The following OR7E24 variants were observed in gnomAD, a reference collection of about 807,000 sequenced individuals.
The protein encoded by OR7E24 is olfactory receptor 7E24.
For synonymous variants in OR7E24, 130 were observed against 157.5 expected, an observed-to-expected ratio of 0.83 and a Z score of 1.31; for missense variants, 385 against 410.3, an observed-to-expected ratio of 0.94 and a Z score of 0.53.
At chr19:9,214,402 G>A in the OR7E24 span, 1,529 of 1,614,190 alleles carry the variant, frequency 9.5e-4, 9 homozygotes, top group East Asian at 0.027. Flanking sequence ...CAAGATGCCA[G>A]AACCAGGAGG....
chr19:9,214,500 A>G, the OR7E24 span: 3 of 1,614,156 alleles, frequency 1.9e-6, no homozygotes, highest in Non-Finnish European at 2.5e-6. Flanking sequence ...GGCCAGTAGG[A>G]AAGTATCCAT....
the OR7E24 span, chr19:9,214,072 G>C: frequency 6.2e-7 from 1 of 1,614,056 alleles, no homozygotes; most frequent in Admixed American, 1.7e-5. Flanking sequence ...TAGACCCCAA[G>C]TCCTGTTCCA....
chr19:9,219,220 C>T, the OR7E24 span: 2 of 152,004 alleles, frequency 1.3e-5, no homozygotes, highest in Non-Finnish European at 2.9e-5. Context: ...GTAGATCTTC[C>T]GTGAGTAGTT....
At chr19:9,222,551 T>G in the OR7E24 span, among the ~76,000 whole-genome samples, 24 of 152,218 alleles carry the variant, frequency 1.6e-4, no homozygotes, top group Admixed American at 2.0e-4. Flanking sequence ...ATTCTATTTT[T>G]GGGGGTACCA....
At chr19:9,248,143 C>G (rs896826289), upstream of OR7E24, among the ~76,000 whole-genome samples, 1 of 152,042 alleles carries the variant, frequency 6.6e-6, no homozygotes, top group Non-Finnish European at 1.5e-5. Context: ...AAAGTGGGTC[C>G]CTCTAAACTG....
upstream of OR7E24, among the ~76,000 whole-genome samples, chr19:9,242,828 C>G (rs1238760108): frequency 1.3e-5 from 2 of 152,106 alleles, no homozygotes; most frequent in African/African-American, 2.4e-5. Context: ...CTCCCTCCCT[C>G]CTTTTTTACT....
the OR7E24 span, chr19:9,235,877 T>G: frequency 1.2e-6 from 2 of 1,607,034 alleles, no homozygotes; most frequent in Non-Finnish European, 8.5e-7. Flanking sequence ...GGATCTCACC[T>G]CTGTGTGGTC....
the OR7E24 span, chr19:9,214,314 G>A: frequency 7.9e-5 from 127 of 1,614,098 alleles, no homozygotes; most frequent in East Asian, 2.5e-4. Context: ...GAAGAAATGC[G>A]GAATCTCAGT....
chr19:9,248,195 G>A (rs1327014467), upstream of OR7E24, among the ~76,000 whole-genome samples: 1 of 152,128 alleles, frequency 6.6e-6, no homozygotes, highest in Non-Finnish European at 1.5e-5. Context: ...TGATGTTGAG[G>A]ATGAGGAGGA....
chr19:9,207,488 T>C, the OR7E24 span: 1 of 152,146 alleles, frequency 6.6e-6, no homozygotes, highest in African/African-American at 2.4e-5. Context: ...AGGTACAAGG[T>C]AGAATGGTAA....
the OR7E24 span, chr19:9,219,443 T>C: frequency 2.0e-5 from 3 of 152,354 alleles, no homozygotes; most frequent in African/African-American, 7.2e-5. Flanking sequence ...TCAATAAGTA[T>C]GGGACTTTCC....
At chr19:9,225,671 A>G in the OR7E24 span, among the ~76,000 whole-genome samples, 1 of 152,104 alleles carries the variant, frequency 6.6e-6, no homozygotes, top group African/African-American at 2.4e-5. Context: ...AAACGACACA[A>G]AGGAAACCAT....
the OR7E24 span, among the ~76,000 whole-genome samples, chr19:9,220,872 T>TAC: frequency 6.6e-6 from 1 of 152,232 alleles, no homozygotes. Flanking sequence ...GGCCAGCACT[T>TAC]ACTATCTTTT....
At chr19:9,244,133 A>G (rs1049243093), upstream of OR7E24, among the ~76,000 whole-genome samples, 16 of 152,246 alleles carry the variant, frequency 1.1e-4, no homozygotes, top group African/African-American at 3.4e-4. Context: ...TAAGGCTCCA[A>G]TGAGACAGTG....
At chr19:9,210,430 G>T in the OR7E24 span, 209 of 152,382 alleles carry the variant, frequency 1.4e-3, 1 homozygote, top group Admixed American at 2.8e-3. Flanking sequence ...AACATAGCAA[G>T]ACTCCATCTC....
chr19:9,228,927 A>T, the OR7E24 span, among the ~76,000 whole-genome samples: 6 of 152,256 alleles, frequency 3.9e-5, no homozygotes, highest in African/African-American at 1.4e-4. Context: ...GTTATCACAC[A>T]TTAAAATATT....
At chr19:9,232,984 G>A in the OR7E24 span, among the ~76,000 whole-genome samples, 9,011 of 152,008 alleles carry the variant, frequency 0.059, 402 homozygotes, top group East Asian at 0.13. Context: ...TGGGGCTCAC[G>A]CTCTGACCCC....
At chr19:9,214,904 G>A in the OR7E24 span, 7 of 893,920 alleles carry the variant, frequency 7.8e-6, no homozygotes, top group Non-Finnish European at 1.2e-5. Context: ...TGGCAGCTCA[G>A]CTTGTCATCA....
chr19:9,223,417 G>A, the OR7E24 span, among the ~76,000 whole-genome samples: 1 of 152,164 alleles, frequency 6.6e-6, no homozygotes, highest in Non-Finnish European at 1.5e-5. Context: ...TGCCTCCTAT[G>A]TGACATACAA....
Sources: allele counts gnomAD v4.1 joint callset (sites outside exome capture counted in the v4.1 genomes callset), GRCh38; gene constraint gnomAD v4.1.1; transcripts MANE v1.5; gene names NCBI Gene and HGNC (gene_info 2026-07-23, HGNC 2026-07-21).